The following GRIN2B variants were observed in gnomAD, a reference collection of about 807,000 sequenced individuals.
The protein encoded by GRIN2B is glutamate ionotropic receptor NMDA type subunit 2B, also known as glutamate receptor ionotropic, NMDA 2B.
A neutral mutation model predicts 114.5 loss-of-function variants in GRIN2B; 5 were observed. The observed-to-expected ratio is 0.04, with a 90% CI of 0.02 to 0.09. The LOEUF is 0.09. Ranked by LOEUF, GRIN2B falls within the 10% of genes least tolerant of loss-of-function variation. The pLI, the probability that GRIN2B is intolerant of heterozygous loss-of-function variation, is 1.00. For missense variants in GRIN2B, 1,108 were observed against 1,943.5 expected, an observed-to-expected ratio of 0.57 and a Z score of 8.08; for synonymous variants, 787 against 745.1, an observed-to-expected ratio of 1.06 and a Z score of -0.92.
chr12:13,828,971 C>A (rs1186303338), intron 3 of GRIN2B, among the ~76,000 whole-genome samples: 2 of 152,166 alleles, frequency 1.3e-5, no homozygotes, highest in Non-Finnish European at 2.9e-5. Context: ...TCAATCTTCC[C>A]TTGCTCACTA....
rs1948414237 is a variant in GRIN2B, at chr12:13,551,616, A to ATGAT, written c.*11163_*11166dup. ...AATGAACACTTTCATCTACCATAAC[A>ATGAT]TGATTGACATAGGAAATTTGGATCT... On this transcript the variant is annotated 3_prime_UTR_variant, in exon 14 of 14. Transcript: ENST00000609686. The ATGAT allele has an allele frequency of 2.0e-5, 3 of 152,174 alleles. No homozygotes were observed. Among genetic ancestry groups the ATGAT allele is most frequent in the South Asian group, 2.1e-4 (1 of 4,826 alleles). The allele number at this position is 152,174 out of a possible 1,614,324, so 9.4% of individuals were successfully genotyped here.
At chr12:13,780,530 T>C (rs1204633940) in intron 3 of GRIN2B, among the ~76,000 whole-genome samples, 1 of 152,206 alleles carries the variant, frequency 6.6e-6, no homozygotes, top group African/African-American at 2.4e-5. Context: ...AAAAACAGTC[T>C]TGTAGATTCC....
At chr12:13,930,194 G>GATAAATAA (rs1250384346) in intron 2 of GRIN2B, among the ~76,000 whole-genome samples, 1 of 151,892 alleles carries the variant, frequency 6.6e-6, no homozygotes, top group Non-Finnish European at 1.5e-5. Flanking sequence ...ACAATAAATA[G>GATAAATAA]ATAAATAAAT....
chr12:13,977,216 GC>G (rs1156286361), intron 2 of GRIN2B: 2 of 152,052 alleles, frequency 1.3e-5, no homozygotes, highest in African/African-American at 4.8e-5. Flanking sequence ...TCCATCCCTG[GC>G]AAAAATTGCA....
At chr12:13,962,321 G>C (rs1218595118) in intron 2 of GRIN2B, among the ~76,000 whole-genome samples, 1 of 152,066 alleles carries the variant, frequency 6.6e-6, no homozygotes, top group Non-Finnish European at 1.5e-5. Context: ...GTGAGATCAA[G>C]ACCCAATGCC....
intron 5 of GRIN2B, among the ~76,000 whole-genome samples, chr12:13,661,568 C>G (rs1452657755): frequency 6.6e-6 from 1 of 152,160 alleles, no homozygotes; most frequent in East Asian, 1.9e-4. Context: ...AATCCTAAAT[C>G]TACCCATTTC....
chr12:13,912,923 C>T (rs1435719076), intron 2 of GRIN2B, among the ~76,000 whole-genome samples: 1 of 152,120 alleles, frequency 6.6e-6, no homozygotes, highest in Non-Finnish European at 1.5e-5. Context: ...ACGAAGTAGG[C>T]AGGCTCCTGG....
chr12:13,565,981 A>G (rs1399267652), intron 13 of GRIN2B, among the ~76,000 whole-genome samples: 1 of 152,082 alleles, frequency 6.6e-6, no homozygotes, highest in East Asian at 1.9e-4. Flanking sequence ...TTTTTATTAC[A>G]CATCACCAGC....
intron 3 of GRIN2B, among the ~76,000 whole-genome samples, chr12:13,808,756 TA>T (rs1864668558): frequency 8.4e-6 from 1 of 119,568 alleles, no homozygotes; most frequent in Non-Finnish European, 2.0e-5. Flanking sequence ...AAAAAAAATA[TA>T]TATATATATA....
chr12:13,644,977 A>G (rs1189169228), intron 5 of GRIN2B, among the ~76,000 whole-genome samples: 2 of 152,128 alleles, frequency 1.3e-5, no homozygotes, highest in Non-Finnish European at 2.9e-5. Context: ...GTCAGCAATC[A>G]GGCTGCTTTG....
chr12:13,713,851 T>C (rs118145970), intron 4 of GRIN2B, among the ~76,000 whole-genome samples: 2,014 of 151,990 alleles, frequency 0.013, 31 homozygotes, highest in South Asian at 0.067. Context: ...TTAGTCTGCC[T>C]GGCTGGAGAA....
chr12:13,741,062 G>A (rs764666916), intron 4 of GRIN2B, among the ~76,000 whole-genome samples: 6 of 152,056 alleles, frequency 3.9e-5, no homozygotes, highest in Non-Finnish European at 5.9e-5. Flanking sequence ...ATTTTATTGC[G>A]ATGGAGTCTC....
intron 3 of GRIN2B, among the ~76,000 whole-genome samples, chr12:13,763,789 C>T (rs1356845649): frequency 6.6e-6 from 1 of 152,202 alleles, no homozygotes; most frequent in Non-Finnish European, 1.5e-5. Context: ...CCTCCCTAGA[C>T]CTTGGCCTGC....
chr12:13,575,396 C>T (rs746016103), intron 10 of GRIN2B, among the ~76,000 whole-genome samples: 3 of 152,160 alleles, frequency 2.0e-5, no homozygotes, highest in Non-Finnish European at 4.4e-5. Flanking sequence ...CAGTGGCTCA[C>T]GCCTGTAATC....
intron 10 of GRIN2B, among the ~76,000 whole-genome samples, chr12:13,587,962 T>A (rs1948953130): frequency 1.3e-5 from 2 of 152,232 alleles, no homozygotes; most frequent in Admixed American, 1.3e-4. Context: ...AAACCGCGAT[T>A]ACTTTTGCAC....
At chr12:13,801,183 A>G (rs1378224110) in intron 3 of GRIN2B, among the ~76,000 whole-genome samples, 1 of 152,216 alleles carries the variant, frequency 6.6e-6, no homozygotes, top group East Asian at 1.9e-4. Flanking sequence ...ATTAAGTTCT[A>G]TATAACGAGG....
At chr12:13,795,634 T>C (rs1048916835) in intron 3 of GRIN2B, among the ~76,000 whole-genome samples, 2 of 152,228 alleles carry the variant, frequency 1.3e-5, no homozygotes, top group Non-Finnish European at 2.9e-5. Context: ...CGTGCATATG[T>C]ATGTTTATTG....
chr12:13,756,792 G>C (rs1470178455), intron 3 of GRIN2B, among the ~76,000 whole-genome samples: 1 of 152,164 alleles, frequency 6.6e-6, no homozygotes, highest in Non-Finnish European at 1.5e-5. Context: ...AGGTACAAAA[G>C]CCACGGGGGT....
chr12:13,614,433 C>T (rs1949408969), intron 8 of GRIN2B, among the ~76,000 whole-genome samples: 1 of 152,110 alleles, frequency 6.6e-6, no homozygotes. Context: ...CATTCCATGG[C>T]CCCTGCAAAA....
Sources: allele counts gnomAD v4.1 joint callset (sites outside exome capture counted in the v4.1 genomes callset), GRCh38; gene constraint gnomAD v4.1.1; transcripts MANE v1.5; gene names NCBI Gene and HGNC (gene_info 2026-07-23, HGNC 2026-07-21).